The following UBE4A variants were observed in gnomAD, a reference collection of about 807,000 sequenced individuals.
UBE4A encodes ubiquitination factor E4A.
A neutral mutation model predicts 117.9 loss-of-function variants in UBE4A; 48 were observed. That is an observed-to-expected ratio of 0.41 (90% CI 0.32 to 0.52). The LOEUF (loss-of-function observed/expected upper bound fraction) is 0.52, where lower values mean the gene tolerates loss of function less well. Ranked by LOEUF, UBE4A falls within the 20% of genes least tolerant of loss-of-function variation. The pLI is 0.33. For synonymous variants in UBE4A, 407 were observed against 450.0 expected, an observed-to-expected ratio of 0.90 and a Z score of 1.21; for missense variants, 1,067 against 1,296.3, an observed-to-expected ratio of 0.82 and a Z score of 2.72.
chr11:118,384,700 A>G lies in UBE4A; in HGVS notation c.2263A>G (p.Met755Val), dbSNP rs782499871. 1.9e-6 allele frequency: 3 copies of G among 1,614,140 alleles called. No homozygotes were observed. The highest frequency in any genetic ancestry group is 2.5e-6 in the Non-Finnish European group (3 of 1,180,016). ...RRPMYPILRY[M>V]WGTDTYRESI... is the part of the protein sequence containing the mutation. Reference sequence around the variant, plus strand: ...TCCCATGTATCCTATCCTAAGATACATGTGGGGGACAGATACCTATCGGGA... The same window carrying G: ...TCCCATGTATCCTATCCTAAGATACGTGTGGGGGACAGATACCTATCGGGA... The change falls in exon 14 of 20, where the codon ATG (methionine) becomes GTG (valine). Residue 755 changes from methionine (M) to valine (V), a missense_variant. Coordinates refer to ENST00000252108, the MANE Select transcript of UBE4A (RefSeq NM_001204077.2).
At chr11:118,390,569 T>G in intron 17 of UBE4A, 88 bp from the exon 18 acceptor site, 199 of 1,098,434 alleles carry the variant, frequency 1.8e-4, no homozygotes, top group Non-Finnish European at 2.1e-4. Context: ...TTTTAAGTGG[T>G]GAGAATGCTT....
chr11:118,364,962 G>A, intron 1 of UBE4A, 78 bp from the exon 2 acceptor site: 2 of 1,228,668 alleles, frequency 1.6e-6, no homozygotes, highest in Non-Finnish European at 1.1e-6. Context: ...TTGAGAAATG[G>A]GAAAAGAAAC....
chr11:118,392,095 CAG>C (rs1170628984), intron 18 of UBE4A, among the ~76,000 whole-genome samples: 2 of 152,184 alleles, frequency 1.3e-5, no homozygotes, highest in African/African-American at 4.8e-5. Flanking sequence ...TAGAGTATGA[CAG>C]AGCTCTATTA....
chr11:118,390,856 G>A (rs1371519481), intron 18 of UBE4A, 52 bp downstream of exon 18: 2 of 1,593,064 alleles, frequency 1.3e-6, no homozygotes, highest in Non-Finnish European at 1.7e-6. Context: ...CACGTTGTCA[G>A]CCAGGCATGA....
At chr11:118,371,790 T>A in intron 5 of UBE4A, 124 bp downstream of exon 5, 2 of 1,026,588 alleles carry the variant, frequency 1.9e-6, no homozygotes, top group Non-Finnish European at 2.7e-6. Context: ...GAAGTGAATA[T>A]CAGGGACACT....
chr11:118,374,954 C>G lies in UBE4A; in HGVS notation c.1175C>G (p.Ser392Cys), dbSNP rs1948638085. The G allele has an allele frequency of 6.3e-7, 1 of 1,584,140 alleles. No individual in the cohort carries two copies. Among genetic ancestry groups the G allele is most frequent in the Admixed American group, 1.7e-5 (1 of 58,124 alleles). ...ATGCTGAAGAACTTACTCCAGCTCTCTCCAGAAACCAAACACTGTATCTTG... is the reference window on the plus strand; with the variant it reads ...ATGCTGAAGAACTTACTCCAGCTCTGTCCAGAAACCAAACACTGTATCTTG... ...YQMLKNLLQL[S>C]PETKHCILSW... The change falls in exon 9 of 20, where the codon TCT becomes TGT. Residue 392 changes from serine (S) to cysteine (C), a missense_variant. Physicochemically the swap from Ser to Cys is moderately radical, Grantham distance 112. Transcript: ENST00000252108.
chr11:118,360,402 A>G (rs1355660553), intron 1 of UBE4A, among the ~76,000 whole-genome samples: 1 of 152,222 alleles, frequency 6.6e-6, no homozygotes, highest in African/African-American at 2.4e-5. Context: ...TTTTGACTTG[A>G]GATCCTTCTA....
At chr11:118,363,171 A>G (rs189678133) in intron 1 of UBE4A, among the ~76,000 whole-genome samples, 47 of 152,324 alleles carry the variant, frequency 3.1e-4, no homozygotes, top group African/African-American at 9.6e-4. Flanking sequence ...AATCCCTCTC[A>G]TTAATTTCAA....
At chr11:118,378,147 T>C (rs1240908193) in intron 10 of UBE4A, among the ~76,000 whole-genome samples, 1 of 151,326 alleles carries the variant, frequency 6.6e-6, no homozygotes, top group Non-Finnish European at 1.5e-5. Flanking sequence ...CTCGGGAGGT[T>C]GAAGAAGGAG....
At chr11:118,365,251 T>A in intron 2 of UBE4A, 50 bp downstream of exon 2, 2 of 1,470,010 alleles carry the variant, frequency 1.4e-6, no homozygotes, top group Non-Finnish European at 1.8e-6. Flanking sequence ...GAATGGGGTC[T>A]TCCCAAATTA....
intron 13 of UBE4A, among the ~76,000 whole-genome samples, chr11:118,383,588 C>CAAAAA (rs11375309): frequency 1.1e-4 from 6 of 54,224 alleles, no homozygotes; most frequent in South Asian, 1.7e-3. Context: ...AAATCCCTCT[C>CAAAAA]AAAAAAAAAA....
intron 9 of UBE4A, among the ~76,000 whole-genome samples, chr11:118,376,357 G>A (rs1347395850): frequency 1.3e-5 from 2 of 152,128 alleles, no homozygotes; most frequent in Admixed American, 6.5e-5. Context: ...ACAATCTATA[G>A]TAGTATTCCT....
chr11:118,372,915 G>A (rs1218787756), intron 6 of UBE4A, among the ~76,000 whole-genome samples, 171 bp from the exon 7 acceptor site: 1 of 150,768 alleles, frequency 6.6e-6, no homozygotes, highest in East Asian at 1.9e-4. Flanking sequence ...TGAGGCTGTA[G>A]TGTGCTATAA....
chr11:118,391,800 GA>G (rs11445365), intron 18 of UBE4A, among the ~76,000 whole-genome samples: 150 of 138,868 alleles, frequency 1.1e-3, no homozygotes, highest in Admixed American at 3.0e-3. Context: ...TCTCAAAAAA[GA>G]AAAAAAAAAA....
Position 118,371,442 on chromosome 11 carries a change from T to TA in UBE4A, c.409-71dup, listed in dbSNP as rs1288135385. 8 of 1,497,344 alleles carry TA rather than the reference T, an allele frequency of 5.3e-6. No homozygotes were observed. In the Admixed American group the frequency reaches 1.0e-4, roughly 19 times the overall value. 92.8% of individuals were successfully genotyped at this position (1,497,344 alleles called of 1,614,324 possible). A position where few individuals can be genotyped will look rare whatever the true frequency, so the allele number is the denominator to read the frequency against. On this transcript the variant is annotated intron_variant, in intron 4 of 19. Coordinates refer to ENST00000252108, the MANE Select transcript of UBE4A (RefSeq NM_001204077.2). Reference sequence around the variant, plus strand: ...TCTTGCTAATAACCTGTGTCAGAATTACCTTTTACATCTTAATGTTCTCAG... The same window carrying TA: ...TCTTGCTAATAACCTGTGTCAGAATTAACCTTTTACATCTTAATGTTCTCAG...
Position 118,384,964 on chromosome 11 carries a change from A to AG in UBE4A, c.2412+19_2412+20insG, listed in dbSNP as rs1555126976. ...CATACAGGTAAAAAAAAAAAAAAAAAAAAAGATTTAACTTCTCCATACCAT... is the reference window on the plus strand; with the variant it reads ...CATACAGGTAAAAAAAAAAAAAAAAAGAAAAGATTTAACTTCTCCATACCAT... On this transcript the variant is annotated intron_variant, in intron 15 of 19. Transcript: ENST00000252108. The AG allele has an allele frequency of 1.3e-6, 2 of 1,543,706 alleles. No individual in the cohort carries two copies. Among genetic ancestry groups the AG allele is most frequent in the East Asian group, 2.2e-5 (1 of 44,572 alleles).
At position 118,373,239 on chromosome 11, in the gene UBE4A, C is replaced by T; in HGVS notation, c.875C>T (p.Ala292Val). ...GAGCTCTGTCAGATCCTTTTGTATG[C>T]ATATCTGGATATTCTTCTCTATTTC... Reference protein sequence around the residue: ...DLELCQILLYAYLDILLYFTR... With the variant: ...DLELCQILLYVYLDILLYFTR... Residue 292 changes from alanine to valine, a missense_variant, in exon 7 of 20, where the codon GCA becomes GTA. Ala to Val is a moderately conservative substitution (Grantham distance 64). Transcript: ENST00000252108. 6.2e-7 allele frequency: 1 copy of T among 1,613,464 alleles called. No individual in the cohort carries two copies. Among genetic ancestry groups the T allele is most frequent in the Non-Finnish European group, 8.5e-7 (1 of 1,179,990 alleles).
intron 19 of UBE4A, among the ~76,000 whole-genome samples, chr11:118,395,524 T>C (rs1376542278): frequency 1.4e-4 from 22 of 152,252 alleles, no homozygotes; most frequent in African/African-American, 5.3e-4. Context: ...AACCTTCTTA[T>C]GTTTCAAGAA....
At chr11:118,365,506 A>G (rs1948555822) in intron 2 of UBE4A, among the ~76,000 whole-genome samples, 1 of 152,234 alleles carries the variant, frequency 6.6e-6, no homozygotes, top group African/African-American at 2.4e-5. Flanking sequence ...TTTAAAAGAA[A>G]AAAAAAATCA....
Sources: allele counts gnomAD v4.1 joint callset (sites outside exome capture counted in the v4.1 genomes callset), GRCh38; gene constraint gnomAD v4.1.1; transcripts MANE v1.5; gene names NCBI Gene and HGNC (gene_info 2026-07-23, HGNC 2026-07-21).